Variants in ARHGAP10 observed in about 807,000 individuals in gnomAD.
The protein encoded by ARHGAP10 is Rho GTPase activating protein 10.
A neutral mutation model predicts 108.6 loss-of-function variants in ARHGAP10; 87 were observed. That is an observed-to-expected ratio of 0.80 (90% CI 0.67 to 0.96). The LOEUF (loss-of-function observed/expected upper bound fraction) is 0.96, where lower values mean the gene tolerates loss of function less well. Ranked by LOEUF, ARHGAP10 falls within the 40% of genes least tolerant of loss-of-function variation. The pLI is 0.00. For missense variants in ARHGAP10, 939 were observed against 954.5 expected (o/e 0.98, Z 0.21); for synonymous variants, 347 against 341.1 (o/e 1.02, Z -0.19).
intron 13 of ARHGAP10, among the ~76,000 whole-genome samples, chr4:147,914,037 G>A (rs565318614): frequency 2.0e-5 from 3 of 151,958 alleles, no homozygotes; most frequent in South Asian, 2.1e-4. Context: ...CTATAATCGC[G>A]GCTACTCGGG....
chr4:148,064,449 G>C lies in ARHGAP10; in HGVS notation c.2214G>C (p.Pro738=), dbSNP rs562056243. Residue 738 remains proline (P), a synonymous_variant, in exon 22 of 23, where the codon CCG becomes CCC. Coordinates refer to ENST00000336498, the MANE Select transcript of ARHGAP10 (RefSeq NM_024605.4). The stretch of plus-strand genomic sequence containing the variant: ...GTCGGAAGGCTCGAGCCGTGTATCC[G>C]TGTGAAGCAGAACACAGCTCGGAAT... ...IRSRKARAVY[P]CEAEHSSELS... is the part of the protein sequence containing the mutation. 1.2e-6 allele frequency: 2 copies of C among 1,614,154 alleles called. No homozygotes were observed. The highest frequency in any genetic ancestry group is 1.7e-5 in the Admixed American group (1 of 60,018).
In ARHGAP10 at chr4:147,963,844, C is replaced by T. The variant is rs115027050; in HGVS notation, c.1451-1180C>T. Among the ~76,000 whole-genome samples the T allele has an allele frequency of 7.3e-3, 1,112 of 152,324 alleles. 19 individuals carry two copies. Among genetic ancestry groups the T allele is most frequent in the African/African-American group, 0.026 (1,073 of 41,558 alleles). On this transcript the variant is annotated intron_variant, in intron 16 of 22. Transcript: ENST00000336498. ...GCTTGTGGGTCCTTCATTCCAGCCT[C>T]TGCTGTGACAGGACAACCTCCGCTG...
intron 13 of ARHGAP10, among the ~76,000 whole-genome samples, chr4:147,931,673 T>G (rs1737692345): frequency 6.6e-6 from 1 of 152,206 alleles, no homozygotes; most frequent in Admixed American, 6.5e-5. Flanking sequence ...AGGTTCACGA[T>G]TCTTCATCTG....
intron 1 of ARHGAP10, among the ~76,000 whole-genome samples, chr4:147,791,963 T>G (rs1166946884): frequency 6.6e-6 from 1 of 152,226 alleles, no homozygotes; most frequent in Non-Finnish European, 1.5e-5. Context: ...TAAATAGCAC[T>G]GCTGGTGAAC....
chr4:147,870,677 G>A (rs1211867899), intron 7 of ARHGAP10, among the ~76,000 whole-genome samples: 1 of 151,520 alleles, frequency 6.6e-6, no homozygotes, highest in Non-Finnish European at 1.5e-5. Flanking sequence ...GAAGAAATTT[G>A]GAAATTGCCT....
At chr4:147,969,157 AG>A (rs1288368460) in intron 18 of ARHGAP10, among the ~76,000 whole-genome samples, 4 of 152,228 alleles carry the variant, frequency 2.6e-5, no homozygotes, top group Non-Finnish European at 5.9e-5. Flanking sequence ...AGGCATAGCA[AG>A]AGTATTTCTT....
chr4:148,014,115 G>A (rs1165412174), intron 18 of ARHGAP10, among the ~76,000 whole-genome samples: 2 of 152,176 alleles, frequency 1.3e-5, no homozygotes, highest in Non-Finnish European at 2.9e-5. Flanking sequence ...TGTTGTGTAT[G>A]GACTATACCT....
intron 19 of ARHGAP10, among the ~76,000 whole-genome samples, chr4:148,035,397 T>C (rs1347881037): frequency 6.6e-6 from 1 of 152,218 alleles, no homozygotes; most frequent in Non-Finnish European, 1.5e-5. Context: ...TATGTAGTTT[T>C]GTTTCTGTGC....
At chr4:147,911,651 C>T (rs34287232) in intron 12 of ARHGAP10, among the ~76,000 whole-genome samples, 53,773 of 152,012 alleles carry the variant, frequency 0.35, 11,671 homozygotes, top group African/African-American at 0.62. Flanking sequence ...CGTGAGCCAC[C>T]GCGCCTGGCC....
intron 13 of ARHGAP10, among the ~76,000 whole-genome samples, chr4:147,928,876 C>G (rs1252086204): frequency 6.6e-6 from 1 of 152,166 alleles, no homozygotes; most frequent in Non-Finnish European, 1.5e-5. Context: ...CATGCACTTG[C>G]TTTGTAAACA....
At chr4:147,741,647 G>A (rs1035647056) in intron 1 of ARHGAP10, among the ~76,000 whole-genome samples, 4 of 152,000 alleles carry the variant, frequency 2.6e-5, no homozygotes, top group Non-Finnish European at 5.9e-5. Flanking sequence ...TTGCCAGGGG[G>A]ATGCTTTTGT....
intron 3 of ARHGAP10, among the ~76,000 whole-genome samples, chr4:147,831,118 G>T (rs541295063): frequency 1.3e-5 from 2 of 152,312 alleles, no homozygotes; most frequent in East Asian, 3.9e-4. Flanking sequence ...TCTGAAGCAG[G>T]CTGAAATCAG....
chr4:147,967,305 A>G (rs1042860915), intron 18 of ARHGAP10, among the ~76,000 whole-genome samples: 2 of 152,254 alleles, frequency 1.3e-5, no homozygotes, highest in African/African-American at 4.8e-5. Flanking sequence ...GTTGAGGGGC[A>G]GTGAAGCCAG....
chr4:147,941,811 G>A (rs970376609), intron 14 of ARHGAP10, among the ~76,000 whole-genome samples: 3 of 152,100 alleles, frequency 2.0e-5, no homozygotes, highest in Admixed American at 6.5e-5. Flanking sequence ...ACAAACCTTA[G>A]CCCTTGACAA....
intron 20 of ARHGAP10, among the ~76,000 whole-genome samples, chr4:148,053,416 G>C (rs774592762): frequency 3.3e-5 from 5 of 152,130 alleles, no homozygotes; most frequent in Non-Finnish European, 7.4e-5. Context: ...AATTATCTAT[G>C]GGGAATAAAC....
chr4:147,732,991 C>A (rs1051655296), intron 1 of ARHGAP10, among the ~76,000 whole-genome samples: 1 of 152,170 alleles, frequency 6.6e-6, no homozygotes, highest in African/African-American at 2.4e-5. Flanking sequence ...CAGTCCTGTT[C>A]CAGGTCCTTC....
Position 147,955,299 on chromosome 4 carries a change from C to G in ARHGAP10, c.1392-17C>G, listed in dbSNP as rs765403366. 6.2e-7 allele frequency: 1 copy of G among 1,602,114 alleles called. No homozygotes were observed. Among genetic ancestry groups the G allele is most frequent in the Non-Finnish European group, 8.5e-7 (1 of 1,172,358 alleles). ...TTTGGATTTATTTGATAATTCTGAGCTGTTCTTTTCACACAGGAGTCTTCC... is the reference window on the plus strand; with the variant it reads ...TTTGGATTTATTTGATAATTCTGAGGTGTTCTTTTCACACAGGAGTCTTCC... On this transcript the variant is annotated splice_polypyrimidine_tract_variant and intron_variant, in intron 15 of 22. Transcript: ENST00000336498.
intron 3 of ARHGAP10, among the ~76,000 whole-genome samples, chr4:147,827,653 CTT>C (rs1010719869): frequency 6.6e-6 from 1 of 152,058 alleles, no homozygotes; most frequent in Non-Finnish European, 1.5e-5. Context: ...TTGAAAGACT[CTT>C]GTTTTACTTA....
At chr4:147,958,753 C>T (rs1279008300) in intron 16 of ARHGAP10, among the ~76,000 whole-genome samples, 2 of 152,172 alleles carry the variant, frequency 1.3e-5, no homozygotes, top group Admixed American at 6.5e-5. Flanking sequence ...TCTAAAATTA[C>T]AGTATCATTG....
Sources: gnomAD v4.1 joint callset for allele counts (sites outside exome capture counted in the v4.1 genomes callset) on GRCh38, gnomAD v4.1.1 for gene constraint, MANE v1.5 for transcripts, NCBI Gene and HGNC (gene_info 2026-07-23, HGNC 2026-07-21) for gene names.